TAFA2: variants seen among roughly 807,000 people sequenced by gnomAD.
TAFA2 encodes the protein chemokine-like protein TAFA-2.
In TAFA2, 7 loss-of-function variants were observed where a neutral mutation model predicts 18.8. That is an observed-to-expected ratio of 0.37 (90% confidence interval 0.21 to 0.70). TAFA2 has a LOEUF of 0.70. Among genes scored for constraint, TAFA2 ranks in the 30% least tolerant of loss-of-function variants. The pLI, the probability that TAFA2 is intolerant of heterozygous loss-of-function variation, is 0.53. For missense variants in TAFA2, 122 were observed against 158.1 expected, an observed-to-expected ratio of 0.77 and a Z score of 1.23; for synonymous variants, 60 against 54.2, an observed-to-expected ratio of 1.11 and a Z score of -0.47.
At chr12:61,846,629 G>A (rs1280903371) in intron 2 of TAFA2, among the ~76,000 whole-genome samples, 9 of 152,008 alleles carry the variant, frequency 5.9e-5, no homozygotes, top group African/African-American at 2.2e-4. Flanking sequence ...AGGTTAACTT[G>A]ATTATAACTA....
At chr12:61,811,548 A>G (rs768282228) in intron 2 of TAFA2, among the ~76,000 whole-genome samples, 1 of 151,534 alleles carries the variant, frequency 6.6e-6, no homozygotes, top group Non-Finnish European at 1.5e-5. Context: ...ACACAAGCAT[A>G]TTAAAATCTA....
chr12:62,218,264 T>C (rs532007933), intron 1 of TAFA2, among the ~76,000 whole-genome samples: 1 of 152,204 alleles, frequency 6.6e-6, no homozygotes, highest in Admixed American at 6.5e-5. Flanking sequence ...CCCAAAGTGC[T>C]GGGATTACAG....
intron 1 of TAFA2, among the ~76,000 whole-genome samples, chr12:62,037,970 A>G (rs1006499159): frequency 1.3e-5 from 2 of 152,202 alleles, no homozygotes; most frequent in East Asian, 3.8e-4. Context: ...CCACATGAAC[A>G]TCTAATCAGT....
At chr12:61,872,616 T>C (rs1180321649) in intron 1 of TAFA2, among the ~76,000 whole-genome samples, 1 of 152,036 alleles carries the variant, frequency 6.6e-6, no homozygotes, top group African/African-American at 2.4e-5. Flanking sequence ...ACCAACATCA[T>C]CTTCCCTCTC....
chr12:62,024,080 T>C (rs1881235971), intron 1 of TAFA2, among the ~76,000 whole-genome samples: 1 of 152,172 alleles, frequency 6.6e-6, no homozygotes, highest in Admixed American at 6.5e-5. Context: ...CCTATTTCTC[T>C]TGCATGCTTC....
intron 4 of TAFA2, among the ~76,000 whole-genome samples, chr12:61,741,118 A>G (rs1190358028): frequency 1.3e-5 from 2 of 152,162 alleles, no homozygotes; most frequent in South Asian, 2.1e-4. Context: ...AGCTTAAAAC[A>G]TTAAAAATAT....
chr12:62,021,563 C>A, intron 1 of TAFA2: 1 of 790,752 alleles, frequency 1.3e-6, no homozygotes, highest in East Asian at 2.5e-5. Context: ...CCAAGGAGAC[C>A]CTGTTACGCT....
At chr12:61,748,316 A>G (rs1342846694) in intron 4 of TAFA2, among the ~76,000 whole-genome samples, 2 of 152,128 alleles carry the variant, frequency 1.3e-5, no homozygotes, top group Non-Finnish European at 2.9e-5. Flanking sequence ...GAAAAACGCT[A>G]AAGGTCATTA....
At chr12:61,977,741 T>C (rs1344207360) in intron 1 of TAFA2, among the ~76,000 whole-genome samples, 1 of 152,034 alleles carries the variant, frequency 6.6e-6, no homozygotes, top group East Asian at 1.9e-4. Context: ...ATGAAACCAT[T>C]CTCACACTTT....
intron 2 of TAFA2, among the ~76,000 whole-genome samples, chr12:61,836,009 A>G (rs1872904440): frequency 6.6e-6 from 1 of 151,840 alleles, no homozygotes; most frequent in African/African-American, 2.4e-5. Flanking sequence ...ATCAACTTAC[A>G]ATTATACAAT....
intron 1 of TAFA2, among the ~76,000 whole-genome samples, chr12:62,182,644 T>C (rs1361787063): frequency 6.6e-6 from 1 of 152,216 alleles, no homozygotes; most frequent in Non-Finnish European, 1.5e-5. Context: ...TAAGGCATTC[T>C]GGGACTACAG....
chr12:62,103,685 G>A (rs1169409515), intron 1 of TAFA2, among the ~76,000 whole-genome samples: 3 of 151,532 alleles, frequency 2.0e-5, no homozygotes, highest in African/African-American at 7.3e-5. Flanking sequence ...AGGTTGCGGT[G>A]AGCCAAGATT....
intron 1 of TAFA2, among the ~76,000 whole-genome samples, chr12:62,186,232 C>T (rs11174364): frequency 0.7 from 106,210 of 152,000 alleles, 37,487 homozygotes; most frequent in Middle Eastern, 0.8. Context: ...TTGAAAGGTT[C>T]AGAATGTTTG....
intron 1 of TAFA2, among the ~76,000 whole-genome samples, chr12:62,216,491 C>T (rs2062736520): frequency 6.6e-6 from 1 of 152,162 alleles, no homozygotes; most frequent in Non-Finnish European, 1.5e-5. Context: ...TCCCTTTCAA[C>T]TGACCAGCAA....
chr12:61,985,039 G>A (rs1423674998), intron 1 of TAFA2, among the ~76,000 whole-genome samples: 1 of 152,140 alleles, frequency 6.6e-6, no homozygotes, highest in Non-Finnish European at 1.5e-5. Context: ...GAGGGGGAGA[G>A]GGTAAAAGTT....
chr12:62,033,614 A>C (rs981857666), intron 1 of TAFA2, among the ~76,000 whole-genome samples: 2 of 152,198 alleles, frequency 1.3e-5, no homozygotes, highest in Admixed American at 6.5e-5. Context: ...AATTTCTATT[A>C]ATTATTCTAT....
chr12:61,710,400 C>T lies in TAFA2; in HGVS notation c.*6G>A, dbSNP rs769614604. 1 of 1,609,150 alleles carries T rather than the reference C, an allele frequency of 6.2e-7. No individual in the cohort carries two copies. Among genetic ancestry groups the T allele is most frequent in the Non-Finnish European group, 8.5e-7 (1 of 1,175,824 alleles). On this transcript the variant is annotated 3_prime_UTR_variant, in exon 5 of 5. Transcript: ENST00000416284. ...CAGCCTTGAGGATCACTTGATTTCT[C>T]CTGGGTTAATGGGTTACCTACAAAG...
chr12:61,986,330 AT>A (rs1454635215), intron 1 of TAFA2, among the ~76,000 whole-genome samples: 2 of 151,268 alleles, frequency 1.3e-5, no homozygotes, highest in Non-Finnish European at 2.9e-5. Flanking sequence ...CACCCAGCTA[AT>A]TTTTGTATTT....
At chr12:62,243,200 T>A (rs1446517463) in intron 1 of TAFA2, among the ~76,000 whole-genome samples, 4 of 152,200 alleles carry the variant, frequency 2.6e-5, no homozygotes, top group Non-Finnish European at 4.4e-5. Context: ...TCATTACATA[T>A]TTTTATATTG....
Sources: gnomAD v4.1 joint callset for allele counts (sites outside exome capture counted in the v4.1 genomes callset) on GRCh38, gnomAD v4.1.1 for gene constraint, MANE v1.5 for transcripts, NCBI Gene and HGNC (gene_info 2026-07-23, HGNC 2026-07-21) for gene names.